Variants in ITGAV observed in about 807,000 individuals in gnomAD.
ITGAV encodes the protein integrin subunit alpha V, also known as integrin alpha-V.
Under a neutral mutation model 143.8 loss-of-function variants are expected in ITGAV, and 76 were observed. The observed-to-expected ratio is 0.53, with a 90% CI of 0.44 to 0.64. The LOEUF is 0.64. Ranked by LOEUF, ITGAV falls within the 30% of genes least tolerant of loss-of-function variation. The pLI is 0.00. For missense variants in ITGAV, 1,193 were observed against 1,274.7 expected (o/e 0.94, Z 0.98); for synonymous variants, 453 against 446.7 (o/e 1.01, Z -0.18).
intron 26 of ITGAV, among the ~76,000 whole-genome samples, chr2:186,671,622 C>T (rs965160796): frequency 1.3e-5 from 2 of 152,066 alleles, no homozygotes; most frequent in Non-Finnish European, 2.9e-5. Context: ...TTAATTGAGA[C>T]AAAACTTACA....
intron 2 of ITGAV, among the ~76,000 whole-genome samples, chr2:186,603,707 C>T (rs1686977429): frequency 6.6e-6 from 1 of 152,128 alleles, no homozygotes; most frequent in South Asian, 2.1e-4. Context: ...GTACTTAACA[C>T]TGTAGGTTTT....
chr2:186,641,667 A>C lies in ITGAV; in HGVS notation c.1159+79A>C, dbSNP rs183889658. 8.8e-5 allele frequency: 98 copies of C among 1,112,628 alleles called. No homozygotes were observed. The African/African-American group carries it at 1.1e-3, about 13-fold the overall frequency. The allele number at this position is 1,112,628 out of a possible 1,614,324, so 68.9% of individuals were successfully genotyped here. A position where few individuals can be genotyped will look rare whatever the true frequency, so the allele number is the denominator to read the frequency against. On this transcript the variant is annotated intron_variant, in intron 12 of 29. Coordinates refer to ENST00000261023, the MANE Select transcript of ITGAV (RefSeq NM_002210.5). ...AAAGTTCTGTAAGTCCATCTGTAGA[A>C]GTCTACACGAGCAAATCTCCTTCCT...
intron 4 of ITGAV, among the ~76,000 whole-genome samples, chr2:186,628,690 C>T (rs1687740992): frequency 6.6e-6 from 1 of 152,058 alleles, no homozygotes; most frequent in Non-Finnish European, 1.5e-5. Flanking sequence ...ATGCAGTAGA[C>T]CAGATGTTCT....
intron 4 of ITGAV, among the ~76,000 whole-genome samples, chr2:186,625,999 C>G (rs1687667668): frequency 6.6e-6 from 1 of 152,022 alleles, no homozygotes; most frequent in Non-Finnish European, 1.5e-5. Flanking sequence ...CAAGGCAATT[C>G]TGATAGATAC....
At chr2:186,664,355 C>G in intron 19 of ITGAV, 139 bp from the exon 20 acceptor site, 1 of 765,528 alleles carries the variant, frequency 1.3e-6, no homozygotes, top group East Asian at 2.5e-5. Flanking sequence ...TTCTATCAAG[C>G]TGTGAAGTAG....
chr2:186,659,086 GA>G lies in ITGAV; in HGVS notation c.1770del (p.Glu590AspfsTer51). On this transcript the variant is annotated frameshift_variant, in exon 18 of 30. Transcript: ENST00000261023. LOFTEE classifies it high-confidence loss of function. ...ACTCACTCCAATTACTATTTTTATG[GA>G]ATATCGGTTGGATTATAGAACAGCT... is the stretch of plus-strand genomic sequence containing the variant. ...DKLTPITIFM[E>X]YRLDYRTAAD... 1 of 1,610,346 alleles carries G rather than the reference GA, an allele frequency of 6.2e-7. No homozygotes were observed. The highest frequency in any genetic ancestry group is 1.1e-5 in the South Asian group (1 of 90,898).
intron 15 of ITGAV, among the ~76,000 whole-genome samples, chr2:186,653,933 A>G (rs958145653): frequency 6.6e-6 from 1 of 152,226 alleles, no homozygotes; most frequent in Non-Finnish European, 1.5e-5. Context: ...ACAACCCATT[A>G]AACTGGTTTC....
At chr2:186,664,172 G>A (rs1349808318) in intron 19 of ITGAV, among the ~76,000 whole-genome samples, 1 of 152,152 alleles carries the variant, frequency 6.6e-6, no homozygotes, top group Admixed American at 6.5e-5. Flanking sequence ...AAAGAATATT[G>A]TGAGAATTAT....
At chr2:186,638,510 T>C (rs767703604) in intron 10 of ITGAV, 45 bp downstream of exon 10, 11 of 1,458,908 alleles carry the variant, frequency 7.5e-6, no homozygotes, top group Non-Finnish European at 9.5e-6. Flanking sequence ...ATAAAAGCAG[T>C]ATGTACTCAT....
At chr2:186,677,175 A>G in intron 29 of ITGAV, 22 bp from the exon 30 acceptor site, 1 of 1,601,778 alleles carries the variant, frequency 6.2e-7, no homozygotes, top group Non-Finnish European at 8.6e-7. Flanking sequence ...GACAGTAATA[A>G]TGGTTTTTCT....
intron 14 of ITGAV, 111 bp downstream of exon 14, chr2:186,649,996 A>T: frequency 1.5e-6 from 1 of 688,894 alleles, no homozygotes; most frequent in Non-Finnish European, 2.3e-6. Flanking sequence ...ATAATGATAA[A>T]ATTTGCTCTT....
At chr2:186,622,284 G>T (rs760775235) in intron 2 of ITGAV, 55 bp from the exon 3 acceptor site, 73 of 1,197,830 alleles carry the variant, frequency 6.1e-5, no homozygotes, top group Non-Finnish European at 7.5e-5. Flanking sequence ...AAAATAAACT[G>T]TTATATTAAG....
chr2:186,593,188 T>A (rs1410332194), intron 1 of ITGAV, among the ~76,000 whole-genome samples: 1 of 152,230 alleles, frequency 6.6e-6, no homozygotes, highest in Non-Finnish European at 1.5e-5. Flanking sequence ...CCTGTTGCTT[T>A]TTCCAGTTTT....
intron 26 of ITGAV, among the ~76,000 whole-genome samples, chr2:186,674,764 A>G (rs915246160): frequency 6.6e-6 from 1 of 152,046 alleles, no homozygotes; most frequent in Non-Finnish European, 1.5e-5. Context: ...CGCCTGCCTC[A>G]GCCTCCCAAA....
At chr2:186,669,978 T>A (rs904849018) in intron 26 of ITGAV, 164 bp downstream of exon 26, 46 of 587,942 alleles carry the variant, frequency 7.8e-5, no homozygotes, top group Non-Finnish European at 1.1e-4. Flanking sequence ...GTCAGATTAA[T>A]GCCATATTTT....
At chr2:186,666,183 T>A (rs1688891550) in intron 21 of ITGAV, among the ~76,000 whole-genome samples, 1 of 152,168 alleles carries the variant, frequency 6.6e-6, no homozygotes, top group Non-Finnish European at 1.5e-5. Flanking sequence ...TTCAATTGTT[T>A]TATTTAAAAT....
rs1211260133 is a variant in ITGAV at position 186,668,776 on chromosome 2, T to G, written c.2448T>G (p.Gly816=). 2 of 1,613,336 alleles carry G rather than the reference T, an allele frequency of 1.2e-6. No individual in the cohort carries two copies. The highest frequency in any genetic ancestry group is 1.7e-6 in the Non-Finnish European group (2 of 1,179,844). The change falls in exon 25 of 30, where the codon GGT becomes GGG. Residue 816 remains glycine (G), a synonymous_variant. Coordinates refer to ENST00000261023, the MANE Select transcript of ITGAV (RefSeq NM_002210.5). ...VQHIYELRNN[G]PSSFSKAMLH... ...TTTCTCCTTAGCTGAGAAACAATGGTCCAAGTTCATTCAGCAAGGCAATGC... is the reference window on the plus strand; with the variant it reads ...TTTCTCCTTAGCTGAGAAACAATGGGCCAAGTTCATTCAGCAAGGCAATGC...
intron 4 of ITGAV, among the ~76,000 whole-genome samples, chr2:186,630,470 C>T (rs1687786469): frequency 6.6e-6 from 1 of 151,862 alleles, no homozygotes; most frequent in East Asian, 1.9e-4. Context: ...ATTTTATACA[C>T]ACAATGGGTG....
In ITGAV at chr2:186,625,676, T is replaced by A. The variant is rs544708187; in HGVS notation, c.523+89T>A. On this transcript the variant is annotated intron_variant, in intron 4 of 29. Coordinates refer to ENST00000261023, the MANE Select transcript of ITGAV (RefSeq NM_002210.5). ...ATGTGTGTGTGGGTGTGTGTGTGTG[T>A]GTGAGAGAGAGAGATATTAAAAGAT... The A allele has an allele frequency of 9.6e-4, 533 of 557,222 alleles. 1 individual carries two copies. In the African/African-American group the frequency reaches 0.011, roughly 11 times the overall value. The allele number at this position is 557,222 out of a possible 1,614,324, so 34.5% of individuals were successfully genotyped here.
Sources: allele counts gnomAD v4.1 joint callset (sites outside exome capture counted in the v4.1 genomes callset), GRCh38; gene constraint gnomAD v4.1.1; transcripts MANE v1.5; gene names NCBI Gene and HGNC (gene_info 2026-07-23, HGNC 2026-07-21).